Variants in GATAD2A observed in about 807,000 individuals in gnomAD.
The protein encoded by GATAD2A is GATA zinc finger domain containing 2A.
In GATAD2A, 12 loss-of-function variants were observed where a neutral mutation model predicts 68.5. The ratio of observed to expected loss-of-function variants is 0.18; its 90% CI spans 0.11 to 0.28. GATAD2A has a LOEUF of 0.28. Among genes scored for constraint, GATAD2A ranks in the 10% least tolerant of loss-of-function variants. GATAD2A has a pLI of 1.00. For missense variants in GATAD2A, 755 were observed against 868.5 expected (o/e 0.87, Z 1.64); for synonymous variants, 410 against 375.3 (o/e 1.09, Z -1.07).
chr19:19,465,376 C>T lies in GATAD2A; in HGVS notation c.31C>T (p.Gln11Ter). 2 of 1,614,032 alleles carry T rather than the reference C, an allele frequency of 1.2e-6. No homozygotes were observed. Among genetic ancestry groups the T allele is most frequent in the Non-Finnish European group, 1.7e-6 (2 of 1,179,864 alleles). Residue 11 changes from glutamine to a stop codon, truncating the protein, a stop_gained, in exon 2 of 12, where the codon CAG (glutamine) becomes TAG (stop). Transcript: ENST00000683918. LOFTEE classifies it high-confidence loss of function. MTEEACRTRS[Q>*]KRALERDPTE... The stretch of plus-strand genomic sequence containing the variant: ...CGAAGAAGCATGCCGAACACGGAGT[C>T]AGAAACGAGCGCTTGAACGGGACCC...
chr19:19,478,296 G>T (rs1383649641), intron 2 of GATAD2A, among the ~76,000 whole-genome samples: 1 of 152,144 alleles, frequency 6.6e-6, no homozygotes, highest in Non-Finnish European at 1.5e-5. Flanking sequence ...GACATTTACT[G>T]TGTTAGAAAA....
chr19:19,447,443 C>A (rs1273784825), intron 1 of GATAD2A, among the ~76,000 whole-genome samples: 3 of 152,194 alleles, frequency 2.0e-5, no homozygotes, highest in East Asian at 1.9e-4. Flanking sequence ...CCCACTCCCC[C>A]ACTTCATGGC....
chr19:19,496,187 C>A lies in GATAD2A; in HGVS notation c.892C>A (p.Pro298Thr). ...QQGLIRVANV[P>T]NTSLLVNIPQ... ...GGGCCTCATCCGCGTCGCCAATGTT[C>A]CCAACACCAGCCTGCTCGTCAACAT... The change falls in exon 7 of 12, where the codon CCC becomes ACC. Residue 298 changes from proline (P) to threonine (T), a missense_variant. Coordinates refer to ENST00000683918, the MANE Select transcript of GATAD2A (RefSeq NM_001384528.1). 1 of 1,613,844 alleles carries A rather than the reference C, an allele frequency of 6.2e-7. No homozygotes were observed. The highest frequency in any genetic ancestry group is 1.1e-5 in the South Asian group (1 of 91,084).
intron 2 of GATAD2A, among the ~76,000 whole-genome samples, chr19:19,475,665 G>A (rs2058631338): frequency 6.6e-6 from 1 of 152,168 alleles, no homozygotes; most frequent in Non-Finnish European, 1.5e-5. Context: ...TAGCTCATGG[G>A]AACTGAGAGG....
chr19:19,387,035 C>T (rs985922112), intron 1 of GATAD2A, among the ~76,000 whole-genome samples: 6 of 152,152 alleles, frequency 3.9e-5, no homozygotes, highest in Non-Finnish European at 7.4e-5. Flanking sequence ...CCCCATCTCT[C>T]TGAGAGACCC....
At chr19:19,442,803 T>C (rs1220913691) in intron 1 of GATAD2A, among the ~76,000 whole-genome samples, 5 of 151,406 alleles carry the variant, frequency 3.3e-5, no homozygotes, top group South Asian at 2.1e-4. Flanking sequence ...CAGTTTCTTA[T>C]TGGTGCTTAA....
At chr19:19,457,337 G>C (rs1193670172) in intron 1 of GATAD2A, 1 of 599,012 alleles carries the variant, frequency 1.7e-6, no homozygotes, top group African/African-American at 2.0e-5. Context: ...TCTAGATTCA[G>C]TCTTGCCTGG....
chr19:19,430,735 C>T (rs1435224496), intron 1 of GATAD2A, among the ~76,000 whole-genome samples: 1 of 152,088 alleles, frequency 6.6e-6, no homozygotes, highest in Non-Finnish European at 1.5e-5. Flanking sequence ...TGCCGCAACC[C>T]CAGCAACCCC....
chr19:19,508,090 CAG>C lies in GATAD2A; in HGVS notation c.*2618_*2619del, dbSNP rs1391415972. On this transcript the variant is annotated 3_prime_UTR_variant, in exon 12 of 12. Transcript: ENST00000683918. ...CCAGGATCAGGTTCCTGCAAGCCGT[CAG>C]AATGTGGGAGCCCCCAGCCCAACTG... The C allele has an allele frequency of 6.6e-6, 1 of 152,234 alleles. No homozygotes were observed. The highest frequency in any genetic ancestry group is 1.5e-5 in the Non-Finnish European group (1 of 68,068). 9.4% of individuals were successfully genotyped at this position (152,234 alleles called of 1,614,324 possible).
At chr19:19,449,698 A>T (rs894292312) in intron 1 of GATAD2A, among the ~76,000 whole-genome samples, 2 of 152,250 alleles carry the variant, frequency 1.3e-5, no homozygotes, top group African/African-American at 4.8e-5. Context: ...CGGGAGGCTA[A>T]GGTGGGAGGA....
At position 19,494,377 on chromosome 19, in the gene GATAD2A, A is replaced by T; in HGVS notation, c.618A>T (p.Ser206=). 6.2e-7 allele frequency: 1 copy of T among 1,601,462 alleles called. No individual in the cohort carries two copies. Among genetic ancestry groups the T allele is most frequent in the Non-Finnish European group, 8.6e-7 (1 of 1,168,928 alleles). ...GTQNIPAGKP[S]LQTSSARMPG... ...AGAACATTCCTGCTGGCAAGCCATC[A>T]CTCCAGGTCAGTGTCCTTTCTGCGT... Residue 206 remains serine, a synonymous_variant, in exon 5 of 12, where the codon TCA becomes TCT. Transcript: ENST00000683918.
chr19:19,429,017 G>T (rs1039865037), intron 1 of GATAD2A, among the ~76,000 whole-genome samples: 4 of 130,116 alleles, frequency 3.1e-5, no homozygotes, highest in Non-Finnish European at 6.6e-5. Flanking sequence ...GCATTTGTAT[G>T]TTTTTTTTTT....
intron 2 of GATAD2A, among the ~76,000 whole-genome samples, chr19:19,490,051 G>A (rs2059682152): frequency 6.6e-6 from 1 of 152,226 alleles, no homozygotes; most frequent in Admixed American, 6.5e-5. Flanking sequence ...TGAGTGAGGT[G>A]TCCTGGGTTA....
At chr19:19,492,203 G>A in intron 2 of GATAD2A, 103 bp from the exon 3 acceptor site, 1 of 1,211,802 alleles carries the variant, frequency 8.3e-7, no homozygotes. Context: ...GGGCAGACAG[G>A]GAACAGACGG....
chr19:19,430,648 G>A (rs2053617599), intron 1 of GATAD2A, among the ~76,000 whole-genome samples: 1 of 152,008 alleles, frequency 6.6e-6, no homozygotes, highest in South Asian at 2.1e-4. Context: ...GGGCTTCCTA[G>A]GGGCACCTGG....
At chr19:19,407,352 G>A (rs928102459) in intron 1 of GATAD2A, among the ~76,000 whole-genome samples, 12 of 152,226 alleles carry the variant, frequency 7.9e-5, no homozygotes, top group African/African-American at 2.9e-4. Context: ...CTAGCCCTCG[G>A]GTTTGAGTGC....
intron 1 of GATAD2A, chr19:19,440,035 G>A (rs1168882629): frequency 4.4e-6 from 1 of 228,832 alleles, no homozygotes; most frequent in Non-Finnish European, 8.9e-6. Flanking sequence ...TCAGTGTTCA[G>A]ACTGGGCAAC....
At chr19:19,472,400 C>T (rs184019454) in intron 2 of GATAD2A, 7 of 151,170 alleles carry the variant, frequency 4.6e-5, no homozygotes, top group Admixed American at 4.0e-4. Flanking sequence ...GTGGCGTGGT[C>T]TCAGCTCACT....
chr19:19,476,353 A>G (rs533715053), intron 2 of GATAD2A, among the ~76,000 whole-genome samples: 4 of 152,158 alleles, frequency 2.6e-5, no homozygotes, highest in Admixed American at 6.5e-5. Flanking sequence ...TCCTCCCAGC[A>G]TGTATTCCTG....
Sources: gnomAD v4.1 joint callset for allele counts (sites outside exome capture counted in the v4.1 genomes callset) on GRCh38, gnomAD v4.1.1 for gene constraint, MANE v1.5 for transcripts, NCBI Gene and HGNC (gene_info 2026-07-23, HGNC 2026-07-21) for gene names.